ERC2: variants seen among roughly 807,000 people sequenced by gnomAD.
ERC2 encodes the protein ERC protein 2.
ERC2 carries 42 observed loss-of-function variants against 114.8 expected under a neutral mutation model. That is an observed-to-expected ratio of 0.37 (90% CI 0.29 to 0.47). ERC2 has a LOEUF of 0.47. Ranked by LOEUF, ERC2 falls within the 20% of genes least tolerant of loss-of-function variation. The probability of loss-of-function intolerance (pLI) is 0.99; values close to 1 mark genes in which losing one functional copy is unlikely to be tolerated. For synonymous variants in ERC2, 454 were observed against 425.5 expected (o/e 1.07, Z -0.82); for missense variants, 939 against 1,150.7 (o/e 0.82, Z 2.66).
At chr3:55,797,844 C>T (rs1031856006) in intron 14 of ERC2, among the ~76,000 whole-genome samples, 5 of 151,976 alleles carry the variant, frequency 3.3e-5, no homozygotes, top group South Asian at 2.1e-4. Flanking sequence ...AAAATGAGCA[C>T]GCAACAACAG....
At chr3:55,926,045 GA>G (rs2065728673) in intron 13 of ERC2, among the ~76,000 whole-genome samples, 1 of 152,126 alleles carries the variant, frequency 6.6e-6, no homozygotes, top group Non-Finnish European at 1.5e-5. Context: ...AAAGAGATTT[GA>G]GTGGGTGGGC....
intron 2 of ERC2, among the ~76,000 whole-genome samples, chr3:56,353,253 A>G (rs970205557): frequency 2.6e-5 from 4 of 151,858 alleles, no homozygotes; most frequent in African/African-American, 4.8e-5. Flanking sequence ...CAACCCATCC[A>G]TCCCTCTCAG....
chr3:56,383,209 C>T (rs2059816101), intron 2 of ERC2, among the ~76,000 whole-genome samples: 1 of 152,142 alleles, frequency 6.6e-6, no homozygotes, highest in Admixed American at 6.5e-5. Flanking sequence ...CCTTCCCATG[C>T]TTATTCTCAA....
At chr3:56,235,130 C>T (rs1270222477) in intron 3 of ERC2, among the ~76,000 whole-genome samples, 1 of 152,128 alleles carries the variant, frequency 6.6e-6, no homozygotes, top group Non-Finnish European at 1.5e-5. Context: ...TTGGTCTGTA[C>T]AACCTCTCCC....
At chr3:55,773,276 C>T (rs1208916142) in intron 14 of ERC2, among the ~76,000 whole-genome samples, 1 of 152,208 alleles carries the variant, frequency 6.6e-6, no homozygotes, top group Non-Finnish European at 1.5e-5. Context: ...TTGCACTGGC[C>T]ATGCCCTCTG....
At chr3:55,511,476 G>T (rs894010567) in intron 17 of ERC2, among the ~76,000 whole-genome samples, 200 bp from the exon 18 acceptor site, 1 of 152,128 alleles carries the variant, frequency 6.6e-6, no homozygotes, top group Non-Finnish European at 1.5e-5. Flanking sequence ...GATAAACTAC[G>T]TCCTGCAAGT....
intron 7 of ERC2, among the ~76,000 whole-genome samples, chr3:56,056,647 C>T (rs1335522223): frequency 6.6e-6 from 1 of 152,104 alleles, no homozygotes; most frequent in Admixed American, 6.6e-5. Context: ...GAGATCTGTG[C>T]TGGTAATAGC....
chr3:56,034,697 A>G lies in ERC2; in HGVS notation c.1642-15666T>C, dbSNP rs568779055. On this transcript the variant is annotated intron_variant, in intron 7 of 17. Transcript: ENST00000288221. ...TGGAGGAAAACTGGAAAATTCACAA[A>G]TATGTGGAAATTACTCCTGAACAAC... Among the ~76,000 whole-genome samples, 26 of 152,312 alleles carry G rather than the reference A, an allele frequency of 1.7e-4. No individual in the cohort carries two copies. In the South Asian group the frequency reaches 5.2e-3, roughly 30 times the overall value.
intron 6 of ERC2, among the ~76,000 whole-genome samples, chr3:56,108,497 T>C (rs1198900274): frequency 6.6e-6 from 1 of 152,062 alleles, no homozygotes; most frequent in Non-Finnish European, 1.5e-5. Context: ...AATACAAATA[T>C]ATATACACAT....
chr3:56,319,670 C>T (rs532741724), intron 2 of ERC2, among the ~76,000 whole-genome samples: 1 of 152,082 alleles, frequency 6.6e-6, no homozygotes, highest in African/African-American at 2.4e-5. Context: ...CAAGGCAATA[C>T]CTGACAAAAA....
rs573933956 is a variant in ERC2 at position 55,833,782 on chromosome 3, A to G, written c.2564+54607T>C. Among the ~76,000 whole-genome samples, 5 of 152,314 alleles carry G rather than the reference A, an allele frequency of 3.3e-5. 1 individual carries two copies. In the South Asian group the frequency reaches 1.0e-3, roughly 32 times the overall value. On this transcript the variant is annotated intron_variant, in intron 14 of 17. Transcript: ENST00000288221. ...CAATATTAACTTTAAATGTAAATGG[A>G]CAAAATGCTCCAATTAAAAGACACA...
chr3:55,879,301 T>C (rs1321702319), intron 14 of ERC2, among the ~76,000 whole-genome samples: 1 of 152,106 alleles, frequency 6.6e-6, no homozygotes, highest in Non-Finnish European at 1.5e-5. Context: ...GGTGAGAGTG[T>C]TCCTGCTGCT....
At chr3:56,095,044 G>T (rs1386851545) in intron 6 of ERC2, among the ~76,000 whole-genome samples, 1 of 152,180 alleles carries the variant, frequency 6.6e-6, no homozygotes, top group Admixed American at 6.5e-5. Context: ...CTTGAGGCCA[G>T]AAGTTTGAGG....
chr3:56,284,911 G>C (rs1560520425), intron 3 of ERC2, among the ~76,000 whole-genome samples: 2 of 151,490 alleles, frequency 1.3e-5, no homozygotes, highest in African/African-American at 4.9e-5. Context: ...AGTTGGGGTG[G>C]GGGAGTTGGA....
intron 1 of ERC2, among the ~76,000 whole-genome samples, chr3:56,465,259 C>T (rs1274527608): frequency 6.6e-6 from 1 of 152,144 alleles, no homozygotes; most frequent in African/African-American, 2.4e-5. Flanking sequence ...ATTAGAGAGG[C>T]ATGGTGGCGG....
intron 14 of ERC2, among the ~76,000 whole-genome samples, chr3:55,776,698 T>C (rs951291943): frequency 3.3e-5 from 5 of 152,178 alleles, no homozygotes; most frequent in Non-Finnish European, 5.9e-5. Flanking sequence ...CTGGAGCTGG[T>C]GGCCTCAGGC....
intron 7 of ERC2, among the ~76,000 whole-genome samples, chr3:56,035,539 G>C (rs1459713827): frequency 6.6e-6 from 1 of 152,222 alleles, no homozygotes; most frequent in Non-Finnish European, 1.5e-5. Context: ...CATTTTGAGA[G>C]ATGTTTAAGT....
chr3:56,432,312 T>G (rs1022231113), intron 2 of ERC2, among the ~76,000 whole-genome samples: 1 of 152,170 alleles, frequency 6.6e-6, no homozygotes, highest in African/African-American at 2.4e-5. Context: ...AAAGAAGAGC[T>G]TTCAAACTTT....
At chr3:55,554,944 T>C (rs1050519261) in intron 17 of ERC2, among the ~76,000 whole-genome samples, 4 of 152,128 alleles carry the variant, frequency 2.6e-5, no homozygotes, top group Non-Finnish European at 5.9e-5. Context: ...TTGGGCTGCC[T>C]GTGAGGTGGG....
Sources: allele counts gnomAD v4.1 joint callset (sites outside exome capture counted in the v4.1 genomes callset), GRCh38; gene constraint gnomAD v4.1.1; transcripts MANE v1.5; gene names NCBI Gene and HGNC (gene_info 2026-07-23, HGNC 2026-07-21).